Variants in USP49 observed in about 807,000 individuals in gnomAD.
USP49 encodes ubiquitin carboxyl-terminal hydrolase 49.
Under a neutral mutation model 58.6 loss-of-function variants are expected in USP49, and 24 were observed. That is an observed-to-expected ratio of 0.41 (90% CI 0.30 to 0.58). The LOEUF (loss-of-function observed/expected upper bound fraction) is 0.58, where lower values mean the gene tolerates loss of function less well. Ranked by LOEUF, USP49 falls within the 20% of genes least tolerant of loss-of-function variation. The probability of loss-of-function intolerance (pLI) is 0.30; values close to 1 mark genes in which losing one functional copy is unlikely to be tolerated. For missense variants in USP49, 703 were observed against 866.1 expected (o/e 0.81, Z 2.36); for synonymous variants, 408 against 365.1 (o/e 1.12, Z -1.34).
chr6:41,843,444 A>G (rs1165062843), intron 3 of USP49, among the ~76,000 whole-genome samples: 3 of 152,176 alleles, frequency 2.0e-5, no homozygotes, highest in Non-Finnish European at 4.4e-5. Context: ...AACTTCCTCA[A>G]TAAATGAAGA....
At chr6:41,858,758 C>G (rs1289472953) in intron 3 of USP49, among the ~76,000 whole-genome samples, 1 of 152,148 alleles carries the variant, frequency 6.6e-6, no homozygotes, top group African/African-American at 2.4e-5. Context: ...GAAGCCTTCC[C>G]TGGTCACTCT....
intron 3 of USP49, among the ~76,000 whole-genome samples, chr6:41,815,328 G>A (rs2127329925): frequency 6.6e-6 from 1 of 152,166 alleles, no homozygotes; most frequent in Non-Finnish European, 1.5e-5. Context: ...GGCTGAGGCA[G>A]GAGAATGGCG....
intron 1 of USP49, among the ~76,000 whole-genome samples, chr6:41,894,931 T>C (rs1000768768): frequency 1.3e-5 from 2 of 151,476 alleles, no homozygotes; most frequent in Non-Finnish European, 3.0e-5. Flanking sequence ...AGCCTTCCTT[T>C]CCCTCTCCCT....
At chr6:41,884,235 G>A (rs944158923) in intron 2 of USP49, among the ~76,000 whole-genome samples, 2 of 152,114 alleles carry the variant, frequency 1.3e-5, no homozygotes, top group Non-Finnish European at 2.9e-5. Context: ...ATGCTGGCCA[G>A]GATGGTTTCG....
chr6:41,824,202 A>G (rs768932177), intron 3 of USP49, among the ~76,000 whole-genome samples: 1 of 152,128 alleles, frequency 6.6e-6, no homozygotes, highest in Non-Finnish European at 1.5e-5. Flanking sequence ...TTTTGATTTT[A>G]TTCCAGGAAA....
At position 41,806,320 on chromosome 6, in the gene USP49, C is replaced by G; in HGVS notation, c.664G>C (p.Ala222Pro). ...LLHTPRDAGP[A>P]ASRPAALPTS... ...GGGAGGGCGGCGGGGCGCGAGGCAG[C>G]CGGGCCCGCGTCGCGGGGCGTGTGC... Residue 222 changes from alanine to proline, a missense_variant, in exon 4 of 8, where the codon GCT (alanine) becomes CCT (proline). By Grantham distance (27) the Ala-to-Pro change is conservative. Around this residue, in one of 6 missense-constraint regions of USP49, gnomAD observed 376 missense variants for 373.5 expected, o/e 1.01. Transcript: ENST00000682992. This position sits in a 1 kb window ranked among gnomAD's most constrained non-coding sequence, Gnocchi z 5.9. The G allele has an allele frequency of 6.4e-7, 1 of 1,553,404 alleles. No homozygotes were observed. Among genetic ancestry groups the G allele is most frequent in the South Asian group, 1.2e-5 (1 of 83,942 alleles).
rs375432351 is a variant in USP49 at position 41,835,655 on chromosome 6, A to G, written c.-28-28644T>C. 2.0e-4 allele frequency among the ~76,000 whole-genome samples: 30 copies of G among 151,636 alleles called. No individual in the cohort carries two copies. In the East Asian group the frequency reaches 3.5e-3, roughly 18 times the overall value. On this transcript the variant is annotated intron_variant, in intron 3 of 7. Transcript: ENST00000682992. ...CTTGAACCCAAGAGGCGGAGGTTGC[A>G]GTGAGCCAAGATTGCGCCACTGCAC...
At chr6:41,883,393 A>ACGCTTGT (rs1561926899) in intron 2 of USP49, among the ~76,000 whole-genome samples, 1 of 150,070 alleles carries the variant, frequency 6.7e-6, no homozygotes, top group African/African-American at 2.5e-5. Context: ...ACAGTGGCTC[A>ACGCTTGT]CGCTTGTAAT....
At chr6:41,830,495 T>C (rs1212084920) in intron 3 of USP49, among the ~76,000 whole-genome samples, 1 of 152,174 alleles carries the variant, frequency 6.6e-6, no homozygotes, top group Non-Finnish European at 1.5e-5. Flanking sequence ...TGACAGACAA[T>C]GATGGAGCAA....
chr6:41,857,630 CA>C (rs976235765), intron 3 of USP49, among the ~76,000 whole-genome samples: 7 of 152,084 alleles, frequency 4.6e-5, no homozygotes, highest in African/African-American at 1.2e-4. Flanking sequence ...GACCCAGTCT[CA>C]AAAAAATAAA....
chr6:41,803,849 T>C lies in USP49; in HGVS notation c.1518A>G (p.Thr506=). 1 of 1,614,212 alleles carries C rather than the reference T, an allele frequency of 6.2e-7. No homozygotes were observed. The highest frequency in any genetic ancestry group is 8.5e-7 in the Non-Finnish European group (1 of 1,180,030). The change falls in exon 5 of 8, where the codon ACA becomes ACG. Residue 506 remains threonine, a synonymous_variant. Coordinates refer to ENST00000682992, the MANE Select transcript of USP49 (RefSeq NM_001286554.2). The surrounding 1 kb of genome is among the most constrained non-coding windows in gnomAD (Gnocchi z 4.1). The part of the protein sequence containing the change: ...LTEMLAKFTE[T]EALEGRIYAC... ...CGTAGATTCTCCCTTCCAGGGCCTC[T>C]GTCTCTGTGAATTTGGCCAGCATCT...
At chr6:41,800,798 T>G (rs773593200) in intron 5 of USP49, among the ~76,000 whole-genome samples, 8 of 152,260 alleles carry the variant, frequency 5.3e-5, no homozygotes, top group Non-Finnish European at 1.2e-4. Flanking sequence ...ATTTTTTTCT[T>G]TAGCATGATT....
intron 1 of USP49, among the ~76,000 whole-genome samples, chr6:41,892,444 T>C (rs1774825334): frequency 6.6e-6 from 1 of 152,158 alleles, no homozygotes; most frequent in Non-Finnish European, 1.5e-5. Context: ...ATTATCAAAC[T>C]AATCCTTTTA....
intron 5 of USP49, among the ~76,000 whole-genome samples, chr6:41,800,772 T>C (rs10498752): frequency 0.53 from 80,404 of 152,108 alleles, 21,411 homozygotes; most frequent in Admixed American, 0.63. Flanking sequence ...TACTAAATGA[T>C]AGAGTATTTA....
intron 3 of USP49, among the ~76,000 whole-genome samples, chr6:41,844,804 T>C (rs1272126707): frequency 6.6e-6 from 1 of 152,242 alleles, no homozygotes. Context: ...GTATAACTAC[T>C]GTTAATATAC....
intron 7 of USP49, among the ~76,000 whole-genome samples, chr6:41,796,974 G>C (rs1772897976): frequency 1.6e-5 from 2 of 126,134 alleles, no homozygotes; most frequent in African/African-American, 3.1e-5. Flanking sequence ...TTTTGAGACA[G>C]AGTCTCGCTC....
At chr6:41,867,104 A>G (rs1774331299) in intron 3 of USP49, among the ~76,000 whole-genome samples, 1 of 152,240 alleles carries the variant, frequency 6.6e-6, no homozygotes, top group Non-Finnish European at 1.5e-5. Context: ...ATATTTTAAC[A>G]AGAAGTGAAT....
chr6:41,800,703 T>C (rs1046482846), intron 5 of USP49, among the ~76,000 whole-genome samples: 1 of 152,204 alleles, frequency 6.6e-6, no homozygotes, highest in Non-Finnish European at 1.5e-5. Context: ...CTCAGTTTCC[T>C]CACCAGTAAA....
intron 1 of USP49, among the ~76,000 whole-genome samples, chr6:41,892,418 C>T (rs1025755174): frequency 6.6e-6 from 1 of 152,170 alleles, no homozygotes; most frequent in African/African-American, 2.4e-5. Context: ...AGTTATTCTT[C>T]ATCTTGAAAG....
Sources: allele counts gnomAD v4.1 joint callset (sites outside exome capture counted in the v4.1 genomes callset), GRCh38; gene constraint gnomAD v4.1.1; regional missense constraint gnomAD v4.1.1; non-coding constraint Gnocchi (gnomAD v3.1); transcripts MANE v1.5; gene names NCBI Gene and HGNC (gene_info 2026-07-23, HGNC 2026-07-21).